Variants in IFIT5 observed in about 807,000 individuals in gnomAD.
IFIT5 encodes interferon induced protein with tetratricopeptide repeats 5.
A neutral mutation model predicts 5.0 loss-of-function variants in IFIT5; 2 were observed. That is an observed-to-expected ratio of 0.40 (90% CI 0.16 to 1.26). The LOEUF (loss-of-function observed/expected upper bound fraction) is 1.26. IFIT5 is among the 50% of genes most tolerant of loss of function. The probability of loss-of-function intolerance (pLI) is 0.33; values close to 1 mark genes in which losing one functional copy is unlikely to be tolerated. For missense variants in IFIT5, 524 were observed against 563.2 expected (o/e 0.93, Z 0.70); for synonymous variants, 206 against 204.6 (o/e 1.01, Z -0.06).
chr10:89,417,244 G>A lies in IFIT5; in HGVS notation c.45G>A (p.Glu15=). ...ACACCTTGAAGGCCATTCTGTTGGAGTTAGAATGTCATTTTACATGGAATT... is the reference window on the plus strand; with the variant it reads ...ACACCTTGAAGGCCATTCTGTTGGAATTAGAATGTCATTTTACATGGAATT... ...RKDTLKAILL[E]LECHFTWNLL... Residue 15 remains glutamate, a synonymous_variant, in exon 2 of 2, where the codon GAG becomes GAA. Coordinates refer to ENST00000371795, the MANE Select transcript of IFIT5 (RefSeq NM_012420.3). 1 of 1,610,340 alleles carries A rather than the reference G, an allele frequency of 6.2e-7. No individual in the cohort carries two copies.
chr10:89,414,715 C>T lies in IFIT5; in HGVS notation c.-84C>T, dbSNP rs560971889. ...CGCACGCGCACGCGCACGCCCACCG[C>T]GCGGCTTCCCGCGGTCCCCGGTGCT... On this transcript the variant is annotated 5_prime_UTR_variant, in exon 1 of 2. Coordinates refer to ENST00000371795, the MANE Select transcript of IFIT5 (RefSeq NM_012420.3). 4 of 1,529,550 alleles carry T rather than the reference C, an allele frequency of 2.6e-6. No homozygotes were observed. The African/African-American group carries it at 4.3e-5, about 17-fold the overall frequency. The allele number at this position is 1,529,550 out of a possible 1,614,324, so 94.7% of individuals were successfully genotyped here.
chr10:89,417,090 A>T, intron 1 of IFIT5, 115 bp from the exon 2 acceptor site: 1 of 836,878 alleles, frequency 1.2e-6, no homozygotes, highest in Non-Finnish European at 1.8e-6. Context: ...CTTATGTTTT[A>T]ACTGTAAGAT....
In IFIT5 at chr10:89,419,352, A is replaced by G. The variant is rs1841576887; in HGVS notation, c.*704A>G. On this transcript the variant is annotated 3_prime_UTR_variant, in exon 2 of 2. Coordinates refer to ENST00000371795, the MANE Select transcript of IFIT5 (RefSeq NM_012420.3). ...GAATAATGGAAAATAGTGAGTCTCA[A>G]ATTGTTCTCTTTTTTTTTTTAACTA... 1.7e-5 allele frequency: 2 copies of G among 118,694 alleles called. No homozygotes were observed. Among genetic ancestry groups the G allele is most frequent in the South Asian group, 5.3e-4 (2 of 3,764 alleles). 7.4% of individuals were successfully genotyped at this position (118,694 alleles called of 1,614,324 possible). A position where few individuals can be genotyped will look rare whatever the true frequency, so the allele number is the denominator to read the frequency against.
chr10:89,417,702 A>C lies in IFIT5; in HGVS notation c.503A>C (p.Glu168Ala), dbSNP rs1333052822. The C allele has an allele frequency of 1.9e-6, 3 of 1,614,200 alleles. No homozygotes were observed. The highest frequency in any genetic ancestry group is 2.5e-6 in the Non-Finnish European group (3 of 1,180,020). ...AAAGCGGCTTTTGAGAAGGCTCTGG[A>C]AGTGGAGCCTGACAATCCAGAATTT... ...KAKAAFEKAL[E>A]VEPDNPEFNI... Residue 168 changes from glutamate to alanine, a missense_variant, in exon 2 of 2, where the codon GAA becomes GCA. Physicochemically the swap from Glu to Ala is moderately radical, Grantham distance 107 (BLOSUM62 -1). Transcript: ENST00000371795.
Position 89,417,220 on chromosome 10 carries a change from C to T in IFIT5, c.21C>T (p.Asp7=). The T allele has an allele frequency of 6.3e-7, 1 of 1,579,684 alleles. No individual in the cohort carries two copies. The highest frequency in any genetic ancestry group is 1.2e-5 in the South Asian group (1 of 86,884). ...TCTTTGACAGTGAAATTCGTAAGGA[C>T]ACCTTGAAGGCCATTCTGTTGGAGT... MSEIRK[D]TLKAILLELE... Residue 7 remains aspartate, a synonymous_variant, in exon 2 of 2, where the codon GAC becomes GAT. Coordinates refer to ENST00000371795, the MANE Select transcript of IFIT5 (RefSeq NM_012420.3).
chr10:89,414,723 C>T lies in IFIT5; in HGVS notation c.-76C>T, dbSNP rs531185957. On this transcript the variant is annotated 5_prime_UTR_variant, in exon 1 of 2. Coordinates refer to ENST00000371795, the MANE Select transcript of IFIT5 (RefSeq NM_012420.3). ...CACGCGCACGCCCACCGCGCGGCTT[C>T]CCGCGGTCCCCGGTGCTGAGGAGAG... 16 of 1,549,346 alleles carry T rather than the reference C, an allele frequency of 1.0e-5. No homozygotes were observed. In the East Asian group the frequency reaches 3.7e-4, roughly 36 times the overall value.
In IFIT5 at chr10:89,414,645, G is replaced by C. The variant is rs925792486; in HGVS notation, c.-154G>C. On this transcript the variant is annotated 5_prime_UTR_variant, in exon 1 of 2. Coordinates refer to ENST00000371795, the MANE Select transcript of IFIT5 (RefSeq NM_012420.3). ...GGGCTGGGGTCTCTCCTTTAACAAA[G>C]ACACGCCGCGCGGCCGAGTCCAGGG... The C allele has an allele frequency of 2.8e-6, 2 of 722,082 alleles. No homozygotes were observed. The highest frequency in any genetic ancestry group is 4.2e-6 in the Non-Finnish European group (2 of 480,936). The allele number at this position is 722,082 out of a possible 1,614,324, so 44.7% of individuals were successfully genotyped here. A position where few individuals can be genotyped will look rare whatever the true frequency, so the allele number is the denominator to read the frequency against.
At chr10:89,414,859 C>T in intron 1 of IFIT5, 56 bp downstream of exon 1, 1 of 1,594,386 alleles carries the variant, frequency 6.3e-7, no homozygotes, top group South Asian at 1.1e-5. Context: ...TGGTTTCAAA[C>T]CGGGCTGCTT....
Position 89,414,607 on chromosome 10 carries a change from C to G in IFIT5, c.-192C>G. ...CGGCATCTGATTCAATCTCCAGTTT[C>G]CTGTTCTTGCTGGGGCTGGGGTCTC... On this transcript the variant is annotated 5_prime_UTR_variant, in exon 1 of 2. Transcript: ENST00000371795. The G allele has an allele frequency of 2.0e-6, 1 of 505,172 alleles. No individual in the cohort carries two copies. The highest frequency in any genetic ancestry group is 3.4e-6 in the Non-Finnish European group (1 of 293,892). 31.3% of individuals were successfully genotyped at this position (505,172 alleles called of 1,614,324 possible). A position where few individuals can be genotyped will look rare whatever the true frequency, so the allele number is the denominator to read the frequency against.
Position 89,414,684 on chromosome 10 carries a change from GGCGCGCGCACGC to G in IFIT5, c.-112_-101del, listed in dbSNP as rs1841510886. On this transcript the variant is annotated 5_prime_UTR_variant, in exon 1 of 2. Transcript: ENST00000371795. ...CCGAGTCCAGGGGCTGCAGAGGCCTGGCGCGCGCACGCGCACGCGCACGCCCACCGCGCGGCT... is the reference window on the plus strand; with the variant it reads ...CCGAGTCCAGGGGCTGCAGAGGCCTGGCACGCGCACGCCCACCGCGCGGCT... The G allele has an allele frequency of 7.6e-7, 1 of 1,313,944 alleles. No homozygotes were observed. The highest frequency in any genetic ancestry group is 1.0e-6 in the Non-Finnish European group (1 of 986,934). The allele number at this position is 1,313,944 out of a possible 1,614,324, so 81.4% of individuals were successfully genotyped here. A position where few individuals can be genotyped will look rare whatever the true frequency, so the allele number is the denominator to read the frequency against.
In IFIT5 at chr10:89,418,201, C is replaced by G. The variant is rs1380846297; in HGVS notation, c.1002C>G (p.Asp334Glu). 1 of 1,614,154 alleles carries G rather than the reference C, an allele frequency of 6.2e-7. No individual in the cohort carries two copies. Among genetic ancestry groups the G allele is most frequent in the Non-Finnish European group, 8.5e-7 (1 of 1,180,000 alleles). The change falls in exon 2 of 2, where the codon GAC (aspartate) becomes GAG (glutamate). Residue 334 changes from aspartate (D) to glutamate (E), a missense_variant. Asp to Glu is a conservative substitution (Grantham distance 45). Transcript: ENST00000371795. Reference protein sequence around the residue: ...IFHFKAAMERDSMFAFAYTDL... With the variant: ...IFHFKAAMERESMFAFAYTDL... ...ATTTCAAAGCAGCCATGGAACGAGA[C>G]TCTATGTTTGCATTTGCCTACACAG...
At position 89,420,421 on chromosome 10, in the gene IFIT5, C is replaced by T. The variant is rs1472598043; in HGVS notation, c.*1773C>T. ...TCTCCCACCTGAAAGTACATAACTT[C>T]TATCACTTGCCACATAATTAAAAGA... On this transcript the variant is annotated 3_prime_UTR_variant, in exon 2 of 2. Transcript: ENST00000371795. 6.6e-6 allele frequency: 1 copy of T among 152,236 alleles called. No homozygotes were observed. Among genetic ancestry groups the T allele is most frequent in the Non-Finnish European group, 1.5e-5 (1 of 68,048 alleles). The allele number at this position is 152,236 out of a possible 1,614,324, so 9.4% of individuals were successfully genotyped here.
In IFIT5 at chr10:89,417,487, T is replaced by A; in HGVS notation, c.288T>A (p.Thr96=). 1 of 1,614,156 alleles carries A rather than the reference T, an allele frequency of 6.2e-7. No individual in the cohort carries two copies. The highest frequency in any genetic ancestry group is 8.5e-7 in the Non-Finnish European group (1 of 1,180,030). Residue 96 remains threonine, a synonymous_variant, in exon 2 of 2, where the codon ACT becomes ACA. Transcript: ENST00000371795. The part of the protein sequence containing the change: ...SDKEEVRSLV[T]WGNYAWVYYH... ...AAGAAGAAGTACGAAGCCTGGTCAC[T>A]TGGGGAAACTATGCCTGGGTGTATT...
rs922857453 is a variant in IFIT5, at chr10:89,420,610, C to T, written c.*1962C>T. 4 of 152,222 alleles carry T rather than the reference C, an allele frequency of 2.6e-5. No homozygotes were observed. The highest frequency in any genetic ancestry group is 9.6e-5 in the African/African-American group (4 of 41,452). 9.4% of individuals were successfully genotyped at this position (152,222 alleles called of 1,614,324 possible). A position where few individuals can be genotyped will look rare whatever the true frequency, so the allele number is the denominator to read the frequency against. ...AGATTTCTGCACTTTAAACAAGCTC[C>T]TCCTAGGTGAGGATGCTGTGGCTGT... On this transcript the variant is annotated 3_prime_UTR_variant, in exon 2 of 2. Transcript: ENST00000371795.
chr10:89,414,911 G>C (rs142515767), intron 1 of IFIT5, 108 bp downstream of exon 1: 2 of 1,390,882 alleles, frequency 1.4e-6, no homozygotes, highest in East Asian at 5.6e-5. Flanking sequence ...TTCAGGGGCC[G>C]AGCCCCTCGC....
Position 89,417,910 on chromosome 10 carries a change from T to C in IFIT5, c.711T>C (p.Tyr237=). Residue 237 remains tyrosine, a synonymous_variant, in exon 2 of 2, where the codon TAT becomes TAC. Coordinates refer to ENST00000371795, the MANE Select transcript of IFIT5 (RefSeq NM_012420.3). ...ATGCAGAAGCTGAAGGGGAAAAGTATATTGAAGAAATCCTGGACCAAATAT... is the reference window on the plus strand; with the variant it reads ...ATGCAGAAGCTGAAGGGGAAAAGTACATTGAAGAAATCCTGGACCAAATAT... The part of the protein sequence containing the change: ...DVHAEAEGEK[Y]IEEILDQISS... 6.2e-7 allele frequency: 1 copy of C among 1,614,182 alleles called. No individual in the cohort carries two copies. The highest frequency in any genetic ancestry group is 8.5e-7 in the Non-Finnish European group (1 of 1,180,020).
chr10:89,414,917 C>G (rs304434), intron 1 of IFIT5, 114 bp downstream of exon 1: 269,161 of 1,358,934 alleles, frequency 0.2, 30,248 homozygotes, highest in East Asian at 0.43. Flanking sequence ...GGCCGAGCCC[C>G]TCGCGCCCAG....
chr10:89,418,627 T>G lies in IFIT5; in HGVS notation c.1428T>G (p.Cys476Trp). The G allele has an allele frequency of 6.2e-7, 1 of 1,612,362 alleles. No individual in the cohort carries two copies. The highest frequency in any genetic ancestry group is 8.5e-7 in the Non-Finnish European group (1 of 1,178,890). ...ATGCAGAATTCCTGACTGCTCTCTGTGAGCTCCGACTTTCCATTTAAATAC... is the reference window on the plus strand; with the variant it reads ...ATGCAGAATTCCTGACTGCTCTCTGGGAGCTCCGACTTTCCATTTAAATAC... Reference protein sequence around the residue: ...PENAEFLTALCELRLSI With the variant: ...PENAEFLTALWELRLSI Residue 476 changes from cysteine to tryptophan, a missense_variant, in exon 2 of 2, where the codon TGT (cysteine) becomes TGG (tryptophan). Cys to Trp is a radical substitution (Grantham distance 215). Transcript: ENST00000371795.
At position 89,418,695 on chromosome 10, in the gene IFIT5, G is replaced by T; in HGVS notation, c.*47G>T. 1 of 1,522,798 alleles carries T rather than the reference G, an allele frequency of 6.6e-7. No homozygotes were observed. The highest frequency in any genetic ancestry group is 2.3e-5 in the East Asian group (1 of 44,136). The allele number at this position is 1,522,798 out of a possible 1,614,324, so 94.3% of individuals were successfully genotyped here. On this transcript the variant is annotated 3_prime_UTR_variant, in exon 2 of 2. Transcript: ENST00000371795. ...CTCTAAGTTTTTCCCTTCATTTTGG[G>T]TTCTCCTGTTTGTTTTTTTTTTATT...
Sources: allele counts gnomAD v4.1 joint callset, GRCh38; gene constraint gnomAD v4.1.1; transcripts MANE v1.5; gene names NCBI Gene and HGNC (gene_info 2026-07-23, HGNC 2026-07-21).